ZNF630: variants seen among roughly 807,000 people sequenced by gnomAD.
ZNF630 encodes dJ54B20.2 (novel KRAB box containing C2H2 type zinc finger protein).
Under a neutral mutation model 7.2 loss-of-function variants are expected in ZNF630, and 5 were observed. That is an observed-to-expected ratio of 0.70 (90% confidence interval 0.36 to 1.46). The LOEUF (loss-of-function observed/expected upper bound fraction) is 1.46, where lower values mean the gene tolerates loss of function less well. Ranked by LOEUF, ZNF630 falls within the 40% of genes most tolerant of loss-of-function variation. The pLI, the probability that ZNF630 is intolerant of heterozygous loss-of-function variation, is 0.03. For missense variants in ZNF630, 461 were observed against 477.0 expected (o/e 0.97, Z 0.31); for synonymous variants, 158 against 162.8 (o/e 0.97, Z 0.23).
At chrX:48,070,583 A>C (rs2059155409) in intron 1 of ZNF630, among the ~76,000 whole-genome samples, 1 of 98,888 alleles carries the variant, frequency 1.0e-5, no homozygotes, top group Non-Finnish European at 2.0e-5. Context: ...ACTGCACTCC[A>C]GCCTGGGCGA....
chrX:48,065,482 AGG>A (rs2059126589), intron 2 of ZNF630, among the ~76,000 whole-genome samples: 2 of 67,171 alleles, frequency 3.0e-5, no homozygotes, highest in African/African-American at 1.1e-4. Flanking sequence ...AGAGAGAGGG[AGG>A]GAGGGAGGGA....
At chrX:48,069,242 G>GAA (rs781983731) in intron 1 of ZNF630, among the ~76,000 whole-genome samples, 1 of 67,785 alleles carries the variant, frequency 1.5e-5, no homozygotes, top group Non-Finnish European at 3.0e-5. Context: ...CCCTGTCAAA[G>GAA]AAAAAAAAAA....
rs191778073 is a variant in ZNF630, at chrX:48,063,820, G to A, written c.16-2875C>T. On this transcript the variant is annotated intron_variant, in intron 2 of 4. Transcript: ENST00000276054. ...TGAGAATCGCTTGAACCTGGGAGGCGGAGGTTACAGTGAGCTGAGATCATG... is the reference window on the plus strand; with the variant it reads ...TGAGAATCGCTTGAACCTGGGAGGCAGAGGTTACAGTGAGCTGAGATCATG... Among the ~76,000 whole-genome samples the A allele has an allele frequency of 5.6e-3, 625 of 110,795 alleles. 14 individuals carry two copies. Among genetic ancestry groups the A allele is most frequent in the African/African-American group, 0.02 (607 of 30,357 alleles).
chrX:48,061,651 T>C (rs1556909204), intron 2 of ZNF630: 3 of 204,415 alleles, frequency 1.5e-5, no homozygotes, highest in East Asian at 2.0e-4. Flanking sequence ...AAGGAGGTGA[T>C]TGAATCATGG....
chrX:48,060,234 TACACACACACACACACACACACACAC>T (rs56253151), intron 4 of ZNF630, 31 bp from the exon 5 acceptor site: 46 of 567,514 alleles, frequency 8.1e-5, no homozygotes, highest in Admixed American at 2.0e-4. Flanking sequence ...GAAAATCAAA[TACACACACACACACACACACACACAC>T]ACACACACAC....
Position 48,059,574 on chromosome X carries a change from G to A in ZNF630, c.868C>T (p.Pro290Ser). 8.3e-7 allele frequency: 1 copy of A among 1,207,950 alleles called. No homozygotes were observed. The highest frequency in any genetic ancestry group is 1.1e-6 in the Non-Finnish European group (1 of 893,140). Residue 290 changes from proline (P) to serine (S), a missense_variant, in exon 5 of 5, where the codon CCA (proline) becomes TCA (serine). Coordinates refer to ENST00000276054, the MANE Select transcript of ZNF630 (RefSeq NM_001282201.2). ...IHQRIHTGEK[P>S]YVCGDCRKAF... The stretch of plus-strand genomic sequence containing the variant: ...TTCCTACAATCTCCACATACATATG[G>A]TTTCTCTCCAGTATGAATTCTTTGA...
intron 1 of ZNF630, among the ~76,000 whole-genome samples, chrX:48,069,068 C>T (rs1556910583): frequency 1.8e-5 from 2 of 109,881 alleles, no homozygotes; most frequent in Middle Eastern, 4.3e-3. Flanking sequence ...AGTGAGACCT[C>T]GTTTCTACAA....
chrX:48,064,707 G>A (rs940725504), intron 2 of ZNF630, among the ~76,000 whole-genome samples: 2 of 111,535 alleles, frequency 1.8e-5, no homozygotes, highest in African/African-American at 3.3e-5. Context: ...CAAGCAATCC[G>A]CCCACCTTGG....
rs1556908028 is a variant in ZNF630 at position 48,057,798 on chromosome X, G to T, written c.*670C>A. ...AGGTCAGGTGCTGTGGCTCATGCCT[G>T]TAATCCCAGCACTTTGGGAAGCCGA... On this transcript the variant is annotated 3_prime_UTR_variant, in exon 5 of 5. Transcript: ENST00000276054. Among the ~76,000 whole-genome samples, 1 of 111,225 alleles carries T rather than the reference G, an allele frequency of 9.0e-6. No homozygotes were observed. Among genetic ancestry groups the T allele is most frequent in the Admixed American group, 9.6e-5 (1 of 10,449 alleles).
At position 48,059,734 on chromosome X, in the gene ZNF630, T is replaced by C. The variant is rs781992682; in HGVS notation, c.708A>G (p.Gly236=). 7.5e-6 allele frequency: 9 copies of C among 1,206,363 alleles called. No homozygotes were observed. In the Admixed American group the frequency reaches 2.0e-4, roughly 26 times the overall value. The change falls in exon 5 of 5, where the codon GGA becomes GGG. Residue 236 remains glycine, a synonymous_variant. Coordinates refer to ENST00000276054, the MANE Select transcript of ZNF630 (RefSeq NM_001282201.2). ...TGAGAACTTTTTCACATTGACTATC[T>C]CCATAGGGCTCCATTCCAGTATGAA... is the stretch of plus-strand genomic sequence containing the variant. ...GFIHTGMEPY[G]DSQCEKVLSH...
At chrX:48,067,134 C>A in intron 1 of ZNF630, 73 bp from the exon 2 acceptor site, 1 of 364,301 alleles carries the variant, frequency 2.7e-6, no homozygotes. Flanking sequence ...TCTTTAACAC[C>A]ATATTATTGA....
At position 48,060,221 on chromosome X, in the gene ZNF630, A is replaced by G; in HGVS notation, c.239-18T>C. 9.3e-7 allele frequency: 1 copy of G among 1,075,571 alleles called. No homozygotes were observed. The highest frequency in any genetic ancestry group is 1.2e-6 in the Non-Finnish European group (1 of 818,447). 88.6% of individuals were successfully genotyped at this position (1,075,571 alleles called of 1,213,427 possible). A position where few individuals can be genotyped will look rare whatever the true frequency, so the allele number is the denominator to read the frequency against. Reference sequence around the variant, plus strand: ...CACTCTGTCTGAAGGAAGAAGAAAGAGGGAAAATCAAATACACACACACAC... The same window carrying G: ...CACTCTGTCTGAAGGAAGAAGAAAGGGGGAAAATCAAATACACACACACAC... On this transcript the variant is annotated intron_variant, in intron 4 of 4. Coordinates refer to ENST00000276054, the MANE Select transcript of ZNF630 (RefSeq NM_001282201.2).
intron 1 of ZNF630, among the ~76,000 whole-genome samples, chrX:48,070,387 T>G (rs2059154590): frequency 9.3e-6 from 1 of 107,136 alleles, no homozygotes; most frequent in Non-Finnish European, 1.9e-5. Flanking sequence ...GAGGTGGGTG[T>G]ATCACCTGAG....
rs1315700114 is a variant in ZNF630 at position 48,060,073 on chromosome X, A to G, written c.369T>C (p.Asn123=). 1 of 1,201,478 alleles carries G rather than the reference A, an allele frequency of 8.3e-7. No individual in the cohort carries two copies. The highest frequency in any genetic ancestry group is 1.1e-6 in the Non-Finnish European group (1 of 889,292). The part of the protein sequence containing the change: ...YSVLKIWHID[N]QMDRYQGNQD... ...GATTTCCTTGATATCTATCCATCTGATTATCAATATGCCAGATTTTTAAAA... is the reference window on the plus strand; with the variant it reads ...GATTTCCTTGATATCTATCCATCTGGTTATCAATATGCCAGATTTTTAAAA... The change falls in exon 5 of 5, where the codon AAT becomes AAC. Residue 123 remains asparagine (N), a synonymous_variant. Coordinates refer to ENST00000276054, the MANE Select transcript of ZNF630 (RefSeq NM_001282201.2).
At position 48,071,346 on chromosome X, in the gene ZNF630, C is replaced by T. The variant is rs1556911021; in HGVS notation, c.-255G>A. On this transcript the variant is annotated 5_prime_UTR_variant, in exon 1 of 5. Coordinates refer to ENST00000276054, the MANE Select transcript of ZNF630 (RefSeq NM_001282201.2). ...CATCCCCCGAAAGGCCATTTCCCTT[C>T]CAGTCTTCCCGGAGAGATGTCAGGG... 9.0e-6 allele frequency: 1 copy of T among 110,920 alleles called. No homozygotes were observed. Among genetic ancestry groups the T allele is most frequent in the Non-Finnish European group, 1.9e-5 (1 of 52,886 alleles). The allele number at this position is 110,920 out of a possible 1,213,427, so 9.1% of individuals were successfully genotyped here.
At chrX:48,067,628 A>C (rs1314491754) in intron 1 of ZNF630, among the ~76,000 whole-genome samples, 2 of 111,735 alleles carry the variant, frequency 1.8e-5, no homozygotes, top group African/African-American at 6.5e-5. Context: ...GGCGAACCCC[A>C]TCTCTACTAA....
intron 4 of ZNF630, 112 bp downstream of exon 4, chrX:48,060,338 A>C (rs1234891680): frequency 1.0e-6 from 1 of 987,318 alleles, no homozygotes; most frequent in African/African-American, 2.0e-5. Flanking sequence ...TTGTAGAATG[A>C]ATGTTATAAA....
intron 2 of ZNF630, among the ~76,000 whole-genome samples, chrX:48,063,203 G>A (rs1275305610): frequency 9.5e-6 from 1 of 105,773 alleles, no homozygotes; most frequent in Admixed American, 1.0e-4. Context: ...CTTCCCTGAA[G>A]GAGTTTGTAT....
Position 48,060,190 on chromosome X carries a change from G to A in ZNF630, c.252C>T (p.Gly84=). 8.7e-7 allele frequency: 1 copy of A among 1,142,860 alleles called. No homozygotes were observed. Among genetic ancestry groups the A allele is most frequent in the Admixed American group, 2.7e-5 (1 of 36,365 alleles). The allele number at this position is 1,142,860 out of a possible 1,213,427, so 94.2% of individuals were successfully genotyped here. ...AAATGATCTGCTGGGAAGATTCAAG[G>A]CCTTTCACTCTGTCTGAAGGAAGAA... ...SRWIYPDRVK[G]LESSQQIISG... Residue 84 remains glycine (G), a synonymous_variant, in exon 5 of 5, where the codon GGC becomes GGT. Transcript: ENST00000276054.
Sources: allele counts gnomAD v4.1 joint callset (sites outside exome capture counted in the v4.1 genomes callset), GRCh38; gene constraint gnomAD v4.1.1; transcripts MANE v1.5; gene names NCBI Gene and HGNC (gene_info 2026-07-23, HGNC 2026-07-21).